GTPBP6: variants seen among roughly 807,000 people sequenced by gnomAD.
The protein encoded by GTPBP6 is putative GTP-binding protein 6.
Under a neutral mutation model 28.9 loss-of-function variants are expected in GTPBP6, and 33 were observed. The observed-to-expected ratio is 1.14, with a 90% CI of 0.87 to 1.53. The LOEUF (loss-of-function observed/expected upper bound fraction) is 1.53. GTPBP6 is among the 40% of genes most tolerant of loss of function. GTPBP6 has a pLI of 0.00. For synonymous variants in GTPBP6, 231 were observed against 192.7 expected (o/e 1.20, Z -1.65); for missense variants, 507 against 408.3 (o/e 1.24, Z -2.08).
chrX:311,606 G>A (rs754813502), exon 7 of GTPBP6: 3 of 1,611,998 alleles, frequency 1.9e-6, no homozygotes, highest in Admixed American at 1.7e-5. Context: ...GCCCGTCAGT[G>A]CCTTGATCAG....
At chrX:314,303 A>G in intron 4 of GTPBP6, 86 bp from the exon 5 acceptor site, 1 of 1,133,888 alleles carries the variant, frequency 8.8e-7, no homozygotes, top group Non-Finnish European at 1.3e-6. Context: ...GGGGGCACTG[A>G]GCTGGGCCTC....
At chrX:304,882 G>A (rs1345827193) in exon 10 of GTPBP6, 34 of 1,438,158 alleles carry the variant, frequency 2.4e-5, no homozygotes, top group Admixed American at 5.8e-5. Flanking sequence ...CGGGCGGCCC[G>A]CTTTGGGGCA....
rs2070190562 is a variant in GTPBP6 at position 307,283 on chromosome X, C to T, written c.1427+77G>A. On this transcript the variant is annotated intron_variant, in intron 9 of 9. Transcript: ENST00000326153. ...GGGGATCTCACAGCTCCTTGTGCAC[C>T]CACGAAGAGCCCGTTTCAGAGCCAG... is the stretch of plus-strand genomic sequence containing the variant. The T allele has an allele frequency of 7.9e-6, 11 of 1,393,368 alleles. 2 individuals are homozygous for T. The South Asian group carries it at 1.3e-4, about 17-fold the overall frequency. 86.3% of individuals were successfully genotyped at this position (1,393,368 alleles called of 1,614,324 possible).
rs140747801 is a variant in GTPBP6, at chrX:307,865, C to T, written c.1141G>A (p.Val381Met). The T allele has an allele frequency of 9.6e-5, 148 of 1,533,786 alleles. No homozygotes were observed. In the East Asian group the frequency reaches 1.2e-3, roughly 12 times the overall value. ...GCCTCGGGGTGGCTGACGTCCCTCA[C>T]GTGCAAGATGAGATCCTGTGGGCCG... The change falls in exon 8 of 10, where the codon GTG becomes ATG. Residue 381 changes from valine to methionine, a missense_variant. Val to Met is a conservative substitution (Grantham distance 21). Coordinates refer to ENST00000326153, the Ensembl canonical transcript of GTPBP6.
chrX:316,380 C>T (rs1370891424), intron 2 of GTPBP6, among the ~76,000 whole-genome samples: 1 of 144,980 alleles, frequency 6.9e-6, no homozygotes, highest in Non-Finnish European at 1.5e-5. Context: ...GAACACATCC[C>T]AGCAGGGGTG....
At chrX:314,464 G>C (rs754052808) in intron 4 of GTPBP6, among the ~76,000 whole-genome samples, 1 of 151,802 alleles carries the variant, frequency 6.6e-6, no homozygotes, top group African/African-American at 2.4e-5. Context: ...GAGCCCACAC[G>C]GTGCTTTTCT....
exon 10 of GTPBP6, chrX:305,176 T>G: frequency 6.2e-7 from 1 of 1,613,624 alleles, no homozygotes; most frequent in Non-Finnish European, 8.5e-7. Context: ...CCTCCTGAAC[T>G]GTGGCCTCCT....
intron 7 of GTPBP6, among the ~76,000 whole-genome samples, chrX:308,389 C>G (rs1162384159): frequency 1.3e-5 from 2 of 152,170 alleles, no homozygotes; most frequent in African/African-American, 4.8e-5. Flanking sequence ...GTATCCACGT[C>G]TACTTTTTGT....
At chrX:305,563 C>T (rs2070142618) in intron 9 of GTPBP6, among the ~76,000 whole-genome samples, 1 of 150,420 alleles carries the variant, frequency 6.6e-6, no homozygotes. Context: ...CTTCGTGATC[C>T]ACCCGCCTCG....
At chrX:304,945 G>T (rs1214732705) in exon 10 of GTPBP6, 1 of 1,477,770 alleles carries the variant, frequency 6.8e-7, no homozygotes, top group South Asian at 1.4e-5. Flanking sequence ...GGCTGGGAGC[G>T]AGACGGGTGC....
intron 4 of GTPBP6, among the ~76,000 whole-genome samples, chrX:314,678 G>A (rs1360675323): frequency 4.5e-4 from 68 of 152,050 alleles, no homozygotes; most frequent in Middle Eastern, 6.8e-3. Context: ...GGGTTTCACC[G>A]TGTTGGCCAG....
At chrX:307,644 G>A (rs2070200043) in intron 8 of GTPBP6, 88 bp downstream of exon 8, 1 of 1,425,850 alleles carries the variant, frequency 7.0e-7, no homozygotes, top group South Asian at 1.4e-5. Context: ...CACCGCTGCG[G>A]TTCACACGAG....
chrX:315,511 G>A (rs1293859091), intron 2 of GTPBP6, among the ~76,000 whole-genome samples: 4 of 47,660 alleles, frequency 8.4e-5, no homozygotes, highest in East Asian at 6.6e-4. Flanking sequence ...ACATGCATAC[G>A]GTGAACACAT....
intron 7 of GTPBP6, 115 bp downstream of exon 7, chrX:311,304 C>G (rs1242135723): frequency 1.6e-6 from 1 of 634,596 alleles, no homozygotes; most frequent in Non-Finnish European, 2.6e-6. Context: ...GAGGGCCCGG[C>G]CCCTGGGCTG....
At chrX:305,408 A>G (rs1199730131) in intron 9 of GTPBP6, among the ~76,000 whole-genome samples, 4 of 140,250 alleles carry the variant, frequency 2.9e-5, no homozygotes, top group African/African-American at 5.6e-5. Context: ...TGCAAGCTCC[A>G]CCTCCCGGGT....
At chrX:318,503 G>A (rs2070482206) in exon 1 of GTPBP6, 3 of 398,340 alleles carry the variant, frequency 7.5e-6, no homozygotes, top group Non-Finnish European at 1.3e-5. Flanking sequence ...ACACGCGCTG[G>A]GTCCCCGCCG....
chrX:306,759 C>T (rs1369009670), intron 9 of GTPBP6, among the ~76,000 whole-genome samples: 1 of 150,578 alleles, frequency 6.6e-6, no homozygotes, highest in Non-Finnish European at 1.5e-5. Flanking sequence ...GATTAGGCAC[C>T]TGTTGTATGG....
At chrX:312,985 G>A (rs1455894988) in intron 5 of GTPBP6, 61 bp from the exon 6 acceptor site, 11 of 1,479,706 alleles carry the variant, frequency 7.4e-6, no homozygotes, top group African/African-American at 4.2e-5. Flanking sequence ...AAGTGCGGGC[G>A]GTGCCGCGGA....
Position 311,872 on chromosome X carries a change from G to A in GTPBP6, c.917-245C>T. On this transcript the variant is annotated intron_variant, in intron 6 of 9. Transcript: ENST00000326153. Reference sequence around the variant, plus strand: ...CACGGGGGAGATGGTGGTGTGGACGGGTGTGCGTGTGAAGGCGTGGATGGG... The same window carrying A: ...CACGGGGGAGATGGTGGTGTGGACGAGTGTGCGTGTGAAGGCGTGGATGGG... The A allele has an allele frequency of 5.1e-6, 3 of 584,662 alleles. No individual in the cohort carries two copies. In the Admixed American group the frequency reaches 8.8e-5, roughly 17 times the overall value. The allele number at this position is 584,662 out of a possible 1,614,324, so 36.2% of individuals were successfully genotyped here.
Sources: allele counts gnomAD v4.1 joint callset (sites outside exome capture counted in the v4.1 genomes callset), GRCh38; gene constraint gnomAD v4.1.1; transcripts MANE v1.5; gene names NCBI Gene and HGNC (gene_info 2026-07-23, HGNC 2026-07-21).